GPATCH2: variants seen among roughly 807,000 people sequenced by gnomAD.
GPATCH2 encodes G patch domain-containing protein 2.
Under a neutral mutation model 58.0 loss-of-function variants are expected in GPATCH2, and 51 were observed. The ratio of observed to expected loss-of-function variants is 0.88; its 90% confidence interval spans 0.70 to 1.11. The LOEUF is 1.11. Ranked by LOEUF, GPATCH2 falls within the 50% of genes most tolerant of loss-of-function variation. The pLI, the probability that GPATCH2 is intolerant of heterozygous loss-of-function variation, is 0.00. For missense variants in GPATCH2, 625 were observed against 652.2 expected (o/e 0.96, Z 0.45); for synonymous variants, 222 against 218.5 (o/e 1.02, Z -0.14).
At chr1:217,454,588 C>CA (rs34571192) in intron 8 of GPATCH2, among the ~76,000 whole-genome samples, 38,267 of 59,632 alleles carry the variant, frequency 0.64, 11,997 homozygotes, top group East Asian at 0.77. Context: ...GACTCTGTCT[C>CA]AAAAAAAAAA....
chr1:217,623,733 C>A (rs1490014251), intron 1 of GPATCH2, among the ~76,000 whole-genome samples: 4 of 151,968 alleles, frequency 2.6e-5, no homozygotes, highest in Non-Finnish European at 5.9e-5. Flanking sequence ...GAAACCCCAT[C>A]CCTACTAAGA....
At chr1:217,611,098 C>A (rs541720953) in intron 3 of GPATCH2, 27 bp from the exon 4 acceptor site, 118 of 1,577,600 alleles carry the variant, frequency 7.5e-5, no homozygotes, top group Non-Finnish European at 8.9e-5. Context: ...AACCCCCCCC[C>A]ACCAAAGACT....
chr1:217,566,771 G>A lies in GPATCH2; in HGVS notation c.1098+43550C>T, dbSNP rs190588266. Among the ~76,000 whole-genome samples the A allele has an allele frequency of 1.2e-3, 187 of 152,246 alleles. 1 individual carries two copies. The highest frequency in any genetic ancestry group is 1.6e-4 in the Non-Finnish European group (11 of 68,016). Reference sequence around the variant, plus strand: ...TAAAAGTATGTTAAAATATGCAGTTGAAATATTGAGATTACATTTTTGAAT... The same window carrying A: ...TAAAAGTATGTTAAAATATGCAGTTAAAATATTGAGATTACATTTTTGAAT... On this transcript the variant is annotated intron_variant, in intron 5 of 9. Transcript: ENST00000366935.
chr1:217,578,263 C>T (rs958801637), intron 5 of GPATCH2, among the ~76,000 whole-genome samples: 1 of 151,916 alleles, frequency 6.6e-6, no homozygotes, highest in Non-Finnish European at 1.5e-5. Context: ...GGGTCTTGCT[C>T]TATTGCCCAG....
intron 5 of GPATCH2, among the ~76,000 whole-genome samples, chr1:217,522,258 T>C (rs928465305): frequency 1.3e-5 from 2 of 152,208 alleles, no homozygotes; most frequent in Non-Finnish European, 1.5e-5. Context: ...TCATTTCTGG[T>C]ATACACTACT....
intron 8 of GPATCH2, among the ~76,000 whole-genome samples, chr1:217,473,653 T>C (rs539160535): frequency 6.9e-6 from 1 of 145,454 alleles, no homozygotes; most frequent in South Asian, 2.2e-4. Flanking sequence ...AGAAAGGATG[T>C]AAAAAAAAAA....
Position 217,498,347 on chromosome 1 carries a change from G to T in GPATCH2, c.1206+9C>A. 1 of 1,605,094 alleles carries T rather than the reference G, an allele frequency of 6.2e-7. No homozygotes were observed. The highest frequency in any genetic ancestry group is 8.5e-7 in the Non-Finnish European group (1 of 1,171,764). On this transcript the variant is annotated intron_variant, in intron 7 of 9. Transcript: ENST00000366935. ...GAGTAACTTCCTTTTGGATTACAAT[G>T]GTCCTTACCTGGTCATGCTCTGTCC...
intron 8 of GPATCH2, among the ~76,000 whole-genome samples, chr1:217,450,639 G>A (rs774081046): frequency 5.9e-5 from 9 of 151,976 alleles, no homozygotes; most frequent in Non-Finnish European, 1.0e-4. Flanking sequence ...TACTGTTTCT[G>A]TTACAAAATA....
chr1:217,497,359 T>A (rs148406396), intron 7 of GPATCH2, among the ~76,000 whole-genome samples: 82 of 152,248 alleles, frequency 5.4e-4, no homozygotes, highest in South Asian at 1.4e-3. Context: ...ATTATTAATG[T>A]GAGAAGTATC....
At chr1:217,562,543 G>C (rs770367745) in intron 5 of GPATCH2, among the ~76,000 whole-genome samples, 33 of 152,276 alleles carry the variant, frequency 2.2e-4, no homozygotes, top group African/African-American at 7.7e-4. Context: ...AATTAACAAA[G>C]ACGAGGGCAA....
At chr1:217,536,378 T>C (rs942818021) in intron 5 of GPATCH2, among the ~76,000 whole-genome samples, 7 of 152,210 alleles carry the variant, frequency 4.6e-5, no homozygotes, top group Non-Finnish European at 1.5e-5. Flanking sequence ...GAGGCATACA[T>C]GCACTGAATA....
intron 6 of GPATCH2, among the ~76,000 whole-genome samples, chr1:217,507,129 T>A (rs1242328180): frequency 2.0e-5 from 3 of 152,178 alleles, no homozygotes; most frequent in South Asian, 2.1e-4. Context: ...CTCATAAATA[T>A]CTTCTGAATG....
chr1:217,543,269 GTTTTTTTTT>G (rs397860651), intron 5 of GPATCH2, among the ~76,000 whole-genome samples: 2 of 105,702 alleles, frequency 1.9e-5, no homozygotes, highest in Non-Finnish European at 3.9e-5. Context: ...TGATGCGAAC[GTTTTTTTTT>G]TTTTTTTTTG....
chr1:217,624,077 C>T (rs952067733), intron 1 of GPATCH2, among the ~76,000 whole-genome samples: 7 of 152,114 alleles, frequency 4.6e-5, no homozygotes, highest in African/African-American at 7.2e-5. Flanking sequence ...CTTAACAAGT[C>T]CTACTCAGAG....
At chr1:217,482,407 G>A (rs1158403156) in intron 8 of GPATCH2, among the ~76,000 whole-genome samples, 4 of 152,170 alleles carry the variant, frequency 2.6e-5, no homozygotes, top group Admixed American at 6.5e-5. Context: ...ACACTGAGCA[G>A]AGAATTGAAG....
At chr1:217,533,516 G>C (rs984457927) in intron 5 of GPATCH2, among the ~76,000 whole-genome samples, 1 of 152,146 alleles carries the variant, frequency 6.6e-6, no homozygotes, top group Non-Finnish European at 1.5e-5. Flanking sequence ...ATCACACTTC[G>C]AGAAGCATTG....
chr1:217,533,816 T>C (rs1466195883), intron 5 of GPATCH2, among the ~76,000 whole-genome samples: 1 of 152,198 alleles, frequency 6.6e-6, no homozygotes, highest in Non-Finnish European at 1.5e-5. Flanking sequence ...TAGATATAGA[T>C]TTGGTAAATA....
chr1:217,617,296 CTCTCT>C (rs1450024695), intron 2 of GPATCH2, among the ~76,000 whole-genome samples: 3 of 152,202 alleles, frequency 2.0e-5, no homozygotes, highest in African/African-American at 4.8e-5. Context: ...TGCCATTTCC[CTCTCT>C]TCTCTTGACT....
At chr1:217,592,290 T>C (rs147103947) in intron 5 of GPATCH2, among the ~76,000 whole-genome samples, 89 of 152,160 alleles carry the variant, frequency 5.8e-4, no homozygotes, top group Middle Eastern at 3.4e-3. Context: ...TACTTTAGAA[T>C]TTTAATTGGT....
Sources: gnomAD v4.1 joint callset for allele counts (sites outside exome capture counted in the v4.1 genomes callset) on GRCh38, gnomAD v4.1.1 for gene constraint, MANE v1.5 for transcripts, NCBI Gene and HGNC (gene_info 2026-07-23, HGNC 2026-07-21) for gene names.